Variants in FBXW8 observed in about 807,000 individuals in gnomAD.
The protein encoded by FBXW8 is F-box and WD repeat domain containing 8, also known as F-box/WD repeat-containing protein 8.
FBXW8 carries 57 observed loss-of-function variants against 65.3 expected under a neutral mutation model. The observed-to-expected ratio is 0.87, with a 90% CI of 0.71 to 1.09. The LOEUF (loss-of-function observed/expected upper bound fraction) is 1.09. Ranked by LOEUF, FBXW8 falls within the 50% of genes least tolerant of loss-of-function variation. FBXW8 has a pLI of 0.00. For missense variants in FBXW8, 777 were observed against 814.8 expected, an observed-to-expected ratio of 0.95 and a Z score of 0.57; for synonymous variants, 308 against 330.2, an observed-to-expected ratio of 0.93 and a Z score of 0.73.
chr12:117,017,379 A>G (rs970112884), intron 8 of FBXW8, among the ~76,000 whole-genome samples: 1 of 152,222 alleles, frequency 6.6e-6, no homozygotes, highest in Non-Finnish European at 1.5e-5. Flanking sequence ...TATGTTCTCT[A>G]TACAGAGAAC....
At chr12:116,992,990 A>T (rs1230629608) in intron 7 of FBXW8, among the ~76,000 whole-genome samples, 1 of 151,944 alleles carries the variant, frequency 6.6e-6, no homozygotes, top group Non-Finnish European at 1.5e-5. Context: ...GTTATCTGAG[A>T]AATCTCCATA....
At chr12:116,931,961 G>C (rs1881802551) in intron 2 of FBXW8, among the ~76,000 whole-genome samples, 2 of 152,148 alleles carry the variant, frequency 1.3e-5, no homozygotes, top group South Asian at 4.2e-4. Flanking sequence ...TACTAAGTAT[G>C]ACTTTAGCTT....
chr12:116,933,021 T>TAAA (rs10658502), intron 2 of FBXW8, among the ~76,000 whole-genome samples: 21 of 151,780 alleles, frequency 1.4e-4, no homozygotes, highest in Non-Finnish European at 2.8e-4. Flanking sequence ...AAAATTCACT[T>TAAA]AAAAAAAATG....
At chr12:116,974,901 AAAAT>A (rs1370879307) in intron 5 of FBXW8, among the ~76,000 whole-genome samples, 2 of 152,248 alleles carry the variant, frequency 1.3e-5, no homozygotes, top group African/African-American at 2.4e-5. Flanking sequence ...AAGGATGTTT[AAAAT>A]AAATAAAAAG....
chr12:116,914,248 G>A lies in FBXW8; in HGVS notation c.318+2893G>A, dbSNP rs151163667. 8.2e-3 allele frequency among the ~76,000 whole-genome samples: 1,239 copies of A among 151,480 alleles called. 17 individuals carry two copies. Among genetic ancestry groups the A allele is most frequent in the African/African-American group, 0.028 (1,167 of 41,244 alleles). On this transcript the variant is annotated intron_variant, in intron 1 of 10. Transcript: ENST00000652555. ...TGATTGCACCACTGCACTCCAGCCT[G>A]GGTGACACAGCAAGACCCTGTCAAA...
chr12:116,928,220 A>T, intron 2 of FBXW8, 93 bp downstream of exon 2: 1 of 839,132 alleles, frequency 1.2e-6, no homozygotes, highest in Non-Finnish European at 2.0e-6. Context: ...TCACAGAATT[A>T]TAAACTTTGC....
chr12:116,911,004 C>T lies in FBXW8; in HGVS notation c.-34C>T. 7.3e-7 allele frequency: 1 copy of T among 1,372,012 alleles called. No homozygotes were observed. Among genetic ancestry groups the T allele is most frequent in the Non-Finnish European group, 9.3e-7 (1 of 1,069,730 alleles). The allele number at this position is 1,372,012 out of a possible 1,614,324, so 85.0% of individuals were successfully genotyped here. A position where few individuals can be genotyped will look rare whatever the true frequency, so the allele number is the denominator to read the frequency against. Reference sequence around the variant, plus strand: ...GACTGTCTCGTGGCACCCGGTGGAACCGAGGAGAACGTGGAGCGCCGGGAG... The same window carrying T: ...GACTGTCTCGTGGCACCCGGTGGAATCGAGGAGAACGTGGAGCGCCGGGAG... On this transcript the variant is annotated 5_prime_UTR_variant, in exon 1 of 11. Coordinates refer to ENST00000652555, the MANE Select transcript of FBXW8 (RefSeq NM_153348.3).
At chr12:116,990,125 A>G (rs911140951) in intron 7 of FBXW8, among the ~76,000 whole-genome samples, 1 of 152,242 alleles carries the variant, frequency 6.6e-6, no homozygotes, top group East Asian at 1.9e-4. Flanking sequence ...ATGGTCAAGA[A>G]TGGAAGCATC....
At chr12:116,932,481 C>T (rs1881844884) in intron 2 of FBXW8, among the ~76,000 whole-genome samples, 1 of 152,162 alleles carries the variant, frequency 6.6e-6, no homozygotes, top group Non-Finnish European at 1.5e-5. Flanking sequence ...CTTGCTACCT[C>T]CATGGCAGTT....
intron 5 of FBXW8, among the ~76,000 whole-genome samples, chr12:116,981,060 T>C (rs61560870): frequency 0.036 from 5,439 of 152,294 alleles, 344 homozygotes; most frequent in African/African-American, 0.12. Flanking sequence ...ACCTGTTGAA[T>C]GTATTATTGC....
intron 5 of FBXW8, chr12:116,978,709 G>A (rs530413296): frequency 2.0e-5 from 3 of 152,308 alleles, no homozygotes; most frequent in South Asian, 4.1e-4. Flanking sequence ...CAGCTCTGTA[G>A]TTGAAGAAGG....
intron 7 of FBXW8, chr12:117,003,284 G>A (rs1301275710): frequency 6.6e-6 from 1 of 152,252 alleles, no homozygotes; most frequent in African/African-American, 2.4e-5. Context: ...TTCATCACCT[G>A]TATACTGAGC....
chr12:117,024,655 T>TA, intron 9 of FBXW8, among the ~76,000 whole-genome samples: 1 of 152,190 alleles, frequency 6.6e-6, no homozygotes, highest in Non-Finnish European at 1.5e-5. Context: ...TTCTCCATCT[T>TA]AATAAACAGA....
intron 8 of FBXW8, among the ~76,000 whole-genome samples, chr12:117,020,313 T>C (rs1216017703): frequency 6.6e-6 from 1 of 151,980 alleles, no homozygotes; most frequent in East Asian, 1.9e-4. Flanking sequence ...GACCTCTTGG[T>C]CTTTGTGTTT....
At chr12:116,973,179 CAATA>C (rs924662089) in intron 5 of FBXW8, among the ~76,000 whole-genome samples, 4 of 151,914 alleles carry the variant, frequency 2.6e-5, no homozygotes, top group African/African-American at 9.7e-5. Context: ...ATAAACAGAT[CAATA>C]AATAAAAAGG....
chr12:116,984,556 C>T (rs891394963), intron 5 of FBXW8, among the ~76,000 whole-genome samples: 2 of 152,198 alleles, frequency 1.3e-5, no homozygotes, highest in Admixed American at 6.5e-5. Flanking sequence ...CTGAGCATCC[C>T]TAATCCAAAA....
chr12:117,000,313 A>G (rs987160928), intron 7 of FBXW8, among the ~76,000 whole-genome samples: 1 of 152,208 alleles, frequency 6.6e-6, no homozygotes, highest in Non-Finnish European at 1.5e-5. Flanking sequence ...GCCCAGCACT[A>G]TTGCCTCCCC....
intron 2 of FBXW8, among the ~76,000 whole-genome samples, chr12:116,942,436 G>A (rs1270457490): frequency 2.7e-5 from 4 of 148,032 alleles, no homozygotes; most frequent in African/African-American, 1.0e-4. Flanking sequence ...GTGCAATGGC[G>A]TGATCTTGGC....
chr12:116,937,480 A>G (rs751039521), intron 2 of FBXW8, among the ~76,000 whole-genome samples: 11 of 152,204 alleles, frequency 7.2e-5, no homozygotes, highest in Non-Finnish European at 1.6e-4. Context: ...GAAAACCCAG[A>G]TGTGTCGTTC....
Sources: allele counts gnomAD v4.1 joint callset (sites outside exome capture counted in the v4.1 genomes callset), GRCh38; gene constraint gnomAD v4.1.1; transcripts MANE v1.5; gene names NCBI Gene and HGNC (gene_info 2026-07-23, HGNC 2026-07-21).